The following ME1 variants were observed in gnomAD, a reference collection of about 807,000 sequenced individuals.
ME1 encodes NADP-dependent malic enzyme.
In ME1, 74 loss-of-function variants were observed where a neutral mutation model predicts 66.4. The ratio of observed to expected loss-of-function variants is 1.11; its 90% CI spans 0.92 to 1.35. The LOEUF is 1.35. ME1 is among the 40% of genes most tolerant of loss of function. The pLI, the probability that ME1 is intolerant of heterozygous loss-of-function variation, is 0.00. For synonymous variants in ME1, 251 were observed against 235.6 expected (o/e 1.07, Z -0.60); for missense variants, 750 against 694.1 (o/e 1.08, Z -0.90).
intron 1 of ME1, among the ~76,000 whole-genome samples, chr6:83,409,897 C>T (rs1380926940): frequency 6.6e-6 from 1 of 152,208 alleles, no homozygotes; most frequent in Non-Finnish European, 1.5e-5. Context: ...TTTGTGTGGA[C>T]AGCAGCAGAA....
At position 83,300,166 on chromosome 6, in the gene ME1, A is replaced by G. The variant is rs534655038; in HGVS notation, c.704+15144T>C. On this transcript the variant is annotated intron_variant, in intron 6 of 13. Coordinates refer to ENST00000369705, the MANE Select transcript of ME1 (RefSeq NM_002395.6). Reference sequence around the variant, plus strand: ...GGGGAGAGGACTCCCTATTCAATAAATGGTGCTGGGATAACTGGCTAGCCA... The same window carrying G: ...GGGGAGAGGACTCCCTATTCAATAAGTGGTGCTGGGATAACTGGCTAGCCA... Among the ~76,000 whole-genome samples the G allele has an allele frequency of 4.6e-5, 7 of 152,282 alleles. No individual in the cohort carries two copies. In the East Asian group the frequency reaches 1.3e-3, roughly 29 times the overall value.
intron 11 of ME1, among the ~76,000 whole-genome samples, chr6:83,226,670 T>C (rs1790202865): frequency 6.6e-6 from 1 of 152,162 alleles, no homozygotes; most frequent in South Asian, 2.1e-4. Context: ...ATAGCGTTCA[T>C]GTTTACCTCT....
At chr6:83,311,849 A>T (rs1469863277) in intron 6 of ME1, among the ~76,000 whole-genome samples, 5 of 152,106 alleles carry the variant, frequency 3.3e-5, no homozygotes, top group Non-Finnish European at 7.4e-5. Flanking sequence ...AACCCACAAA[A>T]TGTTTTTGAG....
intron 4 of ME1, among the ~76,000 whole-genome samples, chr6:83,350,330 A>C (rs959739509): frequency 1.3e-5 from 2 of 152,216 alleles, no homozygotes; most frequent in Non-Finnish European, 2.9e-5. Context: ...AAAGTTAAAG[A>C]TGCAGAGATC....
intron 6 of ME1, among the ~76,000 whole-genome samples, chr6:83,290,440 G>C (rs1436605517): frequency 6.6e-6 from 1 of 152,182 alleles, no homozygotes; most frequent in Non-Finnish European, 1.5e-5. Flanking sequence ...GTGTGGTTTT[G>C]AGTGTGATTC....
rs554753120 is a variant in ME1 at position 83,260,597 on chromosome 6, T to A, written c.705-6859A>T. Among the ~76,000 whole-genome samples, 19 of 152,232 alleles carry A rather than the reference T, an allele frequency of 1.2e-4. No individual in the cohort carries two copies. The South Asian group carries it at 2.5e-3, about 20-fold the overall frequency. The stretch of plus-strand genomic sequence containing the variant: ...GATCCTCCACCCTCTGGGGTGGTGA[T>A]GAGAACACATGGACACTAGGCCCCA... On this transcript the variant is annotated intron_variant, in intron 6 of 13. Transcript: ENST00000369705.
rs563555086 is a variant in ME1, at chr6:83,344,106, G to A, written c.600+2067C>T. The stretch of plus-strand genomic sequence containing the variant: ...TGAGCAACATACATAGCAAGACCCC[G>A]TCTAAAAAAAAAAAAAAAGGTTAAA... On this transcript the variant is annotated intron_variant, in intron 5 of 13. Transcript: ENST00000369705. Among the ~76,000 whole-genome samples, 564 of 141,856 alleles carry A rather than the reference G, an allele frequency of 4.0e-3. 7 individuals are homozygous for A. The highest frequency in any genetic ancestry group is 0.014 in the Middle Eastern group (4 of 276). 93.1% of individuals were successfully genotyped at this position (141,856 alleles called of 152,430 possible).
chr6:83,222,779 C>T (rs1279052663), intron 12 of ME1, among the ~76,000 whole-genome samples: 1 of 152,100 alleles, frequency 6.6e-6, no homozygotes, highest in African/African-American at 2.4e-5. Flanking sequence ...TGTCTTCTGT[C>T]AATATCTATG....
chr6:83,323,589 G>T (rs1268964059), intron 5 of ME1, among the ~76,000 whole-genome samples: 1 of 151,770 alleles, frequency 6.6e-6, no homozygotes, highest in Non-Finnish European at 1.5e-5. Context: ...AAGAGACAAA[G>T]AAGGCTATTA....
chr6:83,401,355 T>C (rs190241235), intron 2 of ME1, among the ~76,000 whole-genome samples: 1 of 152,218 alleles, frequency 6.6e-6, no homozygotes, highest in African/African-American at 2.4e-5. Flanking sequence ...TAATTTTTAA[T>C]AATTTATGTA....
intron 5 of ME1, among the ~76,000 whole-genome samples, chr6:83,324,716 C>CAAAAAAAAAAA (rs55866196): frequency 8.1e-5 from 4 of 49,304 alleles, no homozygotes; most frequent in African/African-American, 2.3e-4. Flanking sequence ...GCCTACCAAC[C>CAAAAAAAAAAA]AAAAAAAAAA....
intron 11 of ME1, among the ~76,000 whole-genome samples, chr6:83,225,444 T>C (rs1790177526): frequency 6.6e-6 from 1 of 152,076 alleles, no homozygotes; most frequent in African/African-American, 2.4e-5. Context: ...GATGACAGAA[T>C]GGGTTTTAAC....
At chr6:83,237,212 G>C (rs897502263) in intron 9 of ME1, among the ~76,000 whole-genome samples, 1 of 120,956 alleles carries the variant, frequency 8.3e-6, no homozygotes, top group Non-Finnish European at 1.7e-5. Context: ...GAGAGAGAGA[G>C]AGAGACAGAG....
intron 6 of ME1, among the ~76,000 whole-genome samples, chr6:83,287,551 C>T (rs1481172335): frequency 6.6e-6 from 1 of 152,178 alleles, no homozygotes; most frequent in Non-Finnish European, 1.5e-5. Flanking sequence ...TCCAGTCTAT[C>T]ATTGATGGAC....
intron 5 of ME1, 49 bp downstream of exon 5, chr6:83,346,124 A>G: frequency 7.3e-7 from 1 of 1,362,402 alleles, no homozygotes; most frequent in Non-Finnish European, 9.8e-7. Flanking sequence ...GCAAGAATTG[A>G]TGCCATTTTT....
rs191103897 is a variant in ME1, at chr6:83,412,786, T to C, written c.79-4885A>G. Among the ~76,000 whole-genome samples, 196 of 152,288 alleles carry C rather than the reference T, an allele frequency of 1.3e-3. 1 individual carries two copies. The highest frequency in any genetic ancestry group is 4.5e-3 in the African/African-American group (189 of 41,566). On this transcript the variant is annotated intron_variant, in intron 1 of 13. Coordinates refer to ENST00000369705, the MANE Select transcript of ME1 (RefSeq NM_002395.6). ...ATGACATTCTGAAAAAGCAAAGTTA[T>C]ATGAATAGAAAAAGATCAGTAGTTG...
chr6:83,314,709 A>C (rs1011994531), intron 6 of ME1, among the ~76,000 whole-genome samples: 6 of 152,184 alleles, frequency 3.9e-5, no homozygotes, highest in Admixed American at 6.5e-5. Flanking sequence ...ATAAACACTA[A>C]TGGTCTCAGG....
In ME1 at chr6:83,398,362, C is replaced by A; in HGVS notation, c.362+5G>T. ...AAGTTGCATATAAAATAAAAGTTGA[C>A]ATACCTTGGCTTCCGAAACACCAAA... On this transcript the variant is annotated splice_donor_5th_base_variant and intron_variant, in intron 3 of 13. Coordinates refer to ENST00000369705, the MANE Select transcript of ME1 (RefSeq NM_002395.6). 1.3e-6 allele frequency: 2 copies of A among 1,562,266 alleles called. No homozygotes were observed. The highest frequency in any genetic ancestry group is 8.6e-7 in the Non-Finnish European group (1 of 1,160,652).
At chr6:83,237,662 G>T in intron 9 of ME1, 55 bp downstream of exon 9, 1 of 902,104 alleles carries the variant, frequency 1.1e-6, no homozygotes, top group Non-Finnish European at 1.7e-6. Flanking sequence ...CTTTGAGATG[G>T]CCATCCAGAA....
Sources: allele counts gnomAD v4.1 joint callset (sites outside exome capture counted in the v4.1 genomes callset), GRCh38; gene constraint gnomAD v4.1.1; transcripts MANE v1.5; gene names NCBI Gene and HGNC (gene_info 2026-07-23, HGNC 2026-07-21).